The following DLGAP1 variants were observed in gnomAD, a reference collection of about 807,000 sequenced individuals.
DLGAP1 encodes the protein DLG associated protein 1, also known as disks large-associated protein 1.
DLGAP1 carries 11 observed loss-of-function variants against 90.8 expected under a neutral mutation model. That is an observed-to-expected ratio of 0.12 (90% CI 0.08 to 0.20). The LOEUF (loss-of-function observed/expected upper bound fraction) is 0.20. DLGAP1 is among the 10% of genes least tolerant of loss of function. The pLI is 1.00. For missense variants in DLGAP1, 1,050 were observed against 1,333.8 expected (o/e 0.79, Z 3.31); for synonymous variants, 558 against 540.7 (o/e 1.03, Z -0.44).
At chr18:3,674,966 C>A (rs2060246940) in intron 7 of DLGAP1, among the ~76,000 whole-genome samples, 1 of 137,950 alleles carries the variant, frequency 7.2e-6, no homozygotes, top group Admixed American at 7.5e-5. Flanking sequence ...ACCGAGTCCA[C>A]CACAATCATC....
intron 3 of DLGAP1, among the ~76,000 whole-genome samples, chr18:3,974,342 C>T (rs529591748): frequency 6.6e-5 from 10 of 152,250 alleles, no homozygotes; most frequent in Admixed American, 4.6e-4. Context: ...ATGGGACCAC[C>T]GTCCTACAGG....
chr18:3,563,775 G>A (rs759750716), intron 9 of DLGAP1, among the ~76,000 whole-genome samples: 1 of 152,054 alleles, frequency 6.6e-6, no homozygotes, highest in Non-Finnish European at 1.5e-5. Context: ...AGCTGATCTG[G>A]CTTTTTATCA....
At chr18:4,073,764 G>T (rs1025689602) in intron 2 of DLGAP1, among the ~76,000 whole-genome samples, 22 of 151,950 alleles carry the variant, frequency 1.4e-4, no homozygotes, top group African/African-American at 5.1e-4. Flanking sequence ...AAGATATTTA[G>T]ATATCATCAC....
intron 3 of DLGAP1, among the ~76,000 whole-genome samples, chr18:3,943,020 T>C (rs905077557): frequency 1.3e-5 from 2 of 152,026 alleles, no homozygotes; most frequent in Admixed American, 6.6e-5. Flanking sequence ...TAAAAATAAA[T>C]AGGTAGTTTC....
At chr18:3,888,107 C>CAAAAAAAAAA (rs1164887393) in intron 3 of DLGAP1, among the ~76,000 whole-genome samples, 8 of 49,372 alleles carry the variant, frequency 1.6e-4, no homozygotes, top group East Asian at 6.9e-4. Context: ...GACTCCATCT[C>CAAAAAAAAAA]AAAAAAAAAA....
rs1019113424 is a variant in DLGAP1 at position 3,782,946 on chromosome 18, C to A, written c.1172+31113G>T. On this transcript the variant is annotated intron_variant, in intron 5 of 12. Transcript: ENST00000315677. ...ATCTAGAATATATAAACAACTCCTA[C>A]AACTCAATTATTCAAAGACAAATAC... Among the ~76,000 whole-genome samples the A allele has an allele frequency of 2.0e-5, 3 of 152,282 alleles. No homozygotes were observed. The East Asian group carries it at 5.8e-4, about 29-fold the overall frequency.
intron 7 of DLGAP1, among the ~76,000 whole-genome samples, chr18:3,688,614 G>C (rs982850746): frequency 4.0e-5 from 4 of 100,684 alleles, no homozygotes; most frequent in Non-Finnish European, 5.6e-5. Context: ...ATTAAAAAAA[G>C]ACACACACAC....
chr18:4,140,802 CA>C (rs2076483532), intron 2 of DLGAP1, among the ~76,000 whole-genome samples: 1 of 151,956 alleles, frequency 6.6e-6, no homozygotes, highest in Non-Finnish European at 1.5e-5. Context: ...TTTTGCTGGA[CA>C]TATTATTCTA....
intron 8 of DLGAP1, among the ~76,000 whole-genome samples, chr18:3,577,061 A>C (rs2055197709): frequency 6.6e-6 from 1 of 151,664 alleles, no homozygotes; most frequent in Non-Finnish European, 1.5e-5. Context: ...GGGTTTCACC[A>C]TGTTGGTCAG....
At chr18:4,089,888 A>AC (rs2075746039) in intron 2 of DLGAP1, among the ~76,000 whole-genome samples, 1 of 152,174 alleles carries the variant, frequency 6.6e-6, no homozygotes, top group South Asian at 2.1e-4. Flanking sequence ...TACTAAAAAC[A>AC]CAAAAAATTA....
chr18:3,509,009 C>T (rs1878361925), intron 10 of DLGAP1, among the ~76,000 whole-genome samples: 2 of 151,180 alleles, frequency 1.3e-5, no homozygotes, highest in South Asian at 4.2e-4. Context: ...ACTTCCTTTA[C>T]CGCAAGGATG....
intron 7 of DLGAP1, among the ~76,000 whole-genome samples, chr18:3,643,057 T>C (rs575502123): frequency 3.9e-5 from 6 of 152,172 alleles, no homozygotes; most frequent in Admixed American, 6.6e-5. Flanking sequence ...CCATAGAAGA[T>C]TGTGTGAGTG....
At chr18:3,923,824 G>A (rs752861650) in intron 3 of DLGAP1, among the ~76,000 whole-genome samples, 6 of 152,120 alleles carry the variant, frequency 3.9e-5, no homozygotes, top group Non-Finnish European at 7.4e-5. Context: ...TTATCATATT[G>A]CTGATTCACT....
chr18:3,851,835 G>T (rs2069358933), intron 4 of DLGAP1, among the ~76,000 whole-genome samples: 1 of 152,054 alleles, frequency 6.6e-6, no homozygotes, highest in Non-Finnish European at 1.5e-5. Context: ...TATAAAAGAA[G>T]ATCACAAAGC....
intron 9 of DLGAP1, among the ~76,000 whole-genome samples, chr18:3,535,891 T>C (rs914160521): frequency 2.7e-5 from 4 of 149,966 alleles, no homozygotes; most frequent in Admixed American, 6.6e-5. Flanking sequence ...AAAAATTAGC[T>C]GGGCGTGGTG....
intron 2 of DLGAP1, among the ~76,000 whole-genome samples, chr18:4,107,608 A>G (rs1376229780): frequency 1.3e-5 from 2 of 152,244 alleles, no homozygotes; most frequent in African/African-American, 4.8e-5. Flanking sequence ...TAAATATACC[A>G]AAAACCGTTG....
At chr18:4,242,375 C>T (rs2078556268) in intron 1 of DLGAP1, among the ~76,000 whole-genome samples, 1 of 152,066 alleles carries the variant, frequency 6.6e-6, no homozygotes, top group African/African-American at 2.4e-5. Flanking sequence ...CAGCTGACTG[C>T]TCCAGTGGGT....
chr18:4,095,597 A>G (rs146271663), intron 2 of DLGAP1, among the ~76,000 whole-genome samples: 1,642 of 152,272 alleles, frequency 0.011, 30 homozygotes, highest in South Asian at 0.042. Context: ...TCCCGAGAAC[A>G]TAAGAAATTT....
chr18:3,895,100 C>T (rs1047818160), intron 3 of DLGAP1, among the ~76,000 whole-genome samples: 10 of 152,100 alleles, frequency 6.6e-5, no homozygotes, highest in Non-Finnish European at 1.5e-4. Context: ...TTAACAGCTG[C>T]CTTTAATCGT....
Sources: gnomAD v4.1 joint callset for allele counts (sites outside exome capture counted in the v4.1 genomes callset) on GRCh38, gnomAD v4.1.1 for gene constraint, MANE v1.5 for transcripts, NCBI Gene and HGNC (gene_info 2026-07-23, HGNC 2026-07-21) for gene names.